Variants in PITPNC1 observed in about 807,000 individuals in gnomAD.
PITPNC1 encodes the protein cytoplasmic phosphatidylinositol transfer protein 1.
In PITPNC1, 18 loss-of-function variants were observed where a neutral mutation model predicts 44.7. That is an observed-to-expected ratio of 0.40 (90% confidence interval 0.28 to 0.60). PITPNC1 has a LOEUF of 0.60. Ranked by LOEUF, PITPNC1 falls within the 20% of genes least tolerant of loss-of-function variation. The pLI, the probability that PITPNC1 is intolerant of heterozygous loss-of-function variation, is 0.39. For missense variants in PITPNC1, 290 were observed against 418.4 expected (o/e 0.69, Z 2.68); for synonymous variants, 141 against 149.6 (o/e 0.94, Z 0.42).
intron 8 of PITPNC1, among the ~76,000 whole-genome samples, chr17:67,690,316 C>T (rs1285358442): frequency 6.6e-6 from 1 of 151,942 alleles, no homozygotes; most frequent in African/African-American, 2.4e-5. Flanking sequence ...GGCGTGGTGG[C>T]AGACGCCTGT....
chr17:67,679,530 C>T (rs1420598986), intron 8 of PITPNC1, among the ~76,000 whole-genome samples: 1 of 152,174 alleles, frequency 6.6e-6, no homozygotes, highest in Non-Finnish European at 1.5e-5. Context: ...CACACCACCT[C>T]CAGTGCTTAA....
chr17:67,635,238 T>C (rs2042019831), intron 6 of PITPNC1, among the ~76,000 whole-genome samples: 1 of 152,176 alleles, frequency 6.6e-6, no homozygotes, highest in Admixed American at 6.6e-5. Flanking sequence ...ACTTAGGTTC[T>C]GTCGTGGCTT....
chr17:67,445,562 T>C (rs895268686), intron 1 of PITPNC1, among the ~76,000 whole-genome samples: 1 of 152,008 alleles, frequency 6.6e-6, no homozygotes, highest in Non-Finnish European at 1.5e-5. Context: ...ATTTCTCCTT[T>C]AGTAGCAAAA....
chr17:67,684,113 A>ATTTTT (rs35849301), intron 8 of PITPNC1, among the ~76,000 whole-genome samples: 3 of 135,878 alleles, frequency 2.2e-5, no homozygotes, highest in Non-Finnish European at 3.1e-5. Flanking sequence ...AAAATAACAA[A>ATTTTT]TTTTTTTTTT....
chr17:67,664,616 C>T (rs1037355516), intron 6 of PITPNC1, among the ~76,000 whole-genome samples: 1 of 151,934 alleles, frequency 6.6e-6, no homozygotes, highest in Non-Finnish European at 1.5e-5. Flanking sequence ...TTTAAGAAGA[C>T]TTCATGGTCA....
chr17:67,528,828 A>G (rs149833104), intron 1 of PITPNC1, among the ~76,000 whole-genome samples: 1 of 152,286 alleles, frequency 6.6e-6, no homozygotes, highest in East Asian at 1.9e-4. Context: ...CACGTGGTTC[A>G]AGGACTCTCT....
intron 1 of PITPNC1, among the ~76,000 whole-genome samples, chr17:67,436,540 G>A (rs796841270): frequency 4.6e-5 from 7 of 152,214 alleles, no homozygotes; most frequent in South Asian, 2.1e-4. Flanking sequence ...TGGAACGAAC[G>A]TACCGGACAG....
chr17:67,461,470 C>G (rs756154018), intron 1 of PITPNC1, among the ~76,000 whole-genome samples: 11 of 152,210 alleles, frequency 7.2e-5, no homozygotes, highest in Non-Finnish European at 1.6e-4. Flanking sequence ...GGACCACATA[C>G]ATATCACACA....
intron 5 of PITPNC1, among the ~76,000 whole-genome samples, chr17:67,591,590 G>A (rs2041391853): frequency 6.6e-6 from 1 of 152,152 alleles, no homozygotes; most frequent in Non-Finnish European, 1.5e-5. Context: ...GTTAACGGCT[G>A]GAGAATCTGG....
chr17:67,614,247 A>T (rs931475762), intron 5 of PITPNC1, among the ~76,000 whole-genome samples: 2 of 152,036 alleles, frequency 1.3e-5, no homozygotes, highest in African/African-American at 4.8e-5. Flanking sequence ...CTTCTCTACT[A>T]CCCAGTGAGG....
intron 2 of PITPNC1, among the ~76,000 whole-genome samples, chr17:67,540,560 G>A (rs528982444): frequency 3.9e-5 from 6 of 151,976 alleles, no homozygotes; most frequent in Non-Finnish European, 8.8e-5. Context: ...ATTCTGGGTG[G>A]CAGATACATG....
At chr17:67,484,862 C>T (rs1401699335) in intron 1 of PITPNC1, among the ~76,000 whole-genome samples, 1 of 151,946 alleles carries the variant, frequency 6.6e-6, no homozygotes, top group Non-Finnish European at 1.5e-5. Context: ...CGCTTGAACC[C>T]GGGACATGGA....
At chr17:67,470,616 C>T (rs982644116) in intron 1 of PITPNC1, among the ~76,000 whole-genome samples, 22 of 152,012 alleles carry the variant, frequency 1.4e-4, no homozygotes, top group African/African-American at 4.4e-4. Flanking sequence ...CCGCCCCGTC[C>T]GGGAGGTGAG....
intron 5 of PITPNC1, chr17:67,613,687 C>G (rs1291838022): frequency 6.6e-6 from 1 of 151,910 alleles, no homozygotes; most frequent in Non-Finnish European, 1.5e-5. Context: ...GGTGTAGTGG[C>G]ATGTGTCTGT....
At position 67,393,191 on chromosome 17, in the gene PITPNC1, A is replaced by G. The variant is rs376176474; in HGVS notation, c.48+14989A>G. Among the ~76,000 whole-genome samples, 4 of 152,262 alleles carry G rather than the reference A, an allele frequency of 2.6e-5. No individual in the cohort carries two copies. The East Asian group carries it at 7.7e-4, about 29-fold the overall frequency. On this transcript the variant is annotated intron_variant, in intron 1 of 8. Transcript: ENST00000581322. Reference sequence around the variant, plus strand: ...ATACACATAACATTTGCCATCTTAAAACTTTTCGAGTGTACAGTTTCAGTA... The same window carrying G: ...ATACACATAACATTTGCCATCTTAAGACTTTTCGAGTGTACAGTTTCAGTA...
At chr17:67,519,453 A>C (rs1472831783) in intron 1 of PITPNC1, among the ~76,000 whole-genome samples, 1 of 152,218 alleles carries the variant, frequency 6.6e-6, no homozygotes, top group East Asian at 1.9e-4. Flanking sequence ...CTGGGATTAC[A>C]GATGTGAGAC....
At position 67,530,130 on chromosome 17, in the gene PITPNC1, C is replaced by G. The variant is rs561776726; in HGVS notation, c.49-2672C>G. ...TTTTTGAGATGGGGTCTCGCTCTGTCATCCAGACTAGAGAGCAGTGGTGTG... is the reference window on the plus strand; with the variant it reads ...TTTTTGAGATGGGGTCTCGCTCTGTGATCCAGACTAGAGAGCAGTGGTGTG... On this transcript the variant is annotated intron_variant, in intron 1 of 8. Coordinates refer to ENST00000581322, the MANE Select transcript of PITPNC1 (RefSeq NM_012417.4). 1.6e-4 allele frequency among the ~76,000 whole-genome samples: 19 copies of G among 119,066 alleles called. No individual in the cohort carries two copies. In the South Asian group the frequency reaches 5.8e-3, roughly 36 times the overall value. The allele number at this position is 119,066 out of a possible 152,430, so 78.1% of individuals were successfully genotyped here. A position where few individuals can be genotyped will look rare whatever the true frequency, so the allele number is the denominator to read the frequency against.
chr17:67,663,319 C>T (rs532762549), intron 6 of PITPNC1, among the ~76,000 whole-genome samples: 14 of 152,202 alleles, frequency 9.2e-5, no homozygotes, highest in African/African-American at 3.1e-4. Flanking sequence ...CCTGTAATCC[C>T]AGCACTTTGG....
chr17:67,596,341 T>G (rs920373764), intron 5 of PITPNC1, among the ~76,000 whole-genome samples: 5 of 152,100 alleles, frequency 3.3e-5, no homozygotes, highest in Admixed American at 3.3e-4. Context: ...ACGTGGTATG[T>G]CTTTATTGGG....
Sources: gnomAD v4.1 joint callset for allele counts (sites outside exome capture counted in the v4.1 genomes callset) on GRCh38, gnomAD v4.1.1 for gene constraint, MANE v1.5 for transcripts, NCBI Gene and HGNC (gene_info 2026-07-23, HGNC 2026-07-21) for gene names.